SCHIP1: variants seen among roughly 807,000 people sequenced by gnomAD.
SCHIP1 encodes the protein schwannomin-interacting protein 1.
A neutral mutation model predicts 29.7 loss-of-function variants in SCHIP1; 8 were observed. The observed-to-expected ratio is 0.27, with a 90% confidence interval of 0.16 to 0.49. The LOEUF is 0.49. SCHIP1 is among the 20% of genes least tolerant of loss of function. SCHIP1 has a pLI of 0.99. For missense variants in SCHIP1, 193 were observed against 294.6 expected (o/e 0.66, Z 2.52); for synonymous variants, 76 against 94.9 (o/e 0.80, Z 1.16).
intron 2 of SCHIP1, among the ~76,000 whole-genome samples, chr3:159,871,600 G>A (rs961888810): frequency 1.3e-5 from 2 of 152,154 alleles, no homozygotes; most frequent in Admixed American, 6.5e-5. Flanking sequence ...TCATTGGGAT[G>A]CATCTAATTG....
the SCHIP1 span, among the ~76,000 whole-genome samples, chr3:159,538,248 T>TA: frequency 3.3e-5 from 5 of 151,856 alleles, no homozygotes; most frequent in African/African-American, 4.8e-5. Context: ...ACTCAAGTAG[T>TA]AAAAAAACAA....
the SCHIP1 span, among the ~76,000 whole-genome samples, chr3:159,581,674 T>G: frequency 2.6e-5 from 4 of 152,134 alleles, no homozygotes; most frequent in Non-Finnish European, 4.4e-5. Context: ...GGAAAGGAAC[T>G]CAAATATCTA....
chr3:159,557,243 A>G, the SCHIP1 span, among the ~76,000 whole-genome samples: 1 of 152,192 alleles, frequency 6.6e-6, no homozygotes. Flanking sequence ...AATTGTACTT[A>G]TGTAATCACT....
the SCHIP1 span, among the ~76,000 whole-genome samples, chr3:159,827,839 G>A: frequency 2.0e-5 from 3 of 151,006 alleles, no homozygotes; most frequent in Non-Finnish European, 2.9e-5. Flanking sequence ...AAATAGAAAC[G>A]CTGGAAATAT....
chr3:159,711,277 C>T, the SCHIP1 span, among the ~76,000 whole-genome samples: 1 of 71,492 alleles, frequency 1.4e-5, no homozygotes, highest in Non-Finnish European at 2.2e-5. Context: ...AGGAGAATGG[C>T]GTGAACCCGG....
the SCHIP1 span, among the ~76,000 whole-genome samples, chr3:159,704,236 G>T: frequency 1.3e-5 from 2 of 151,814 alleles, no homozygotes; most frequent in Non-Finnish European, 2.9e-5. Context: ...GGAGTTCAAG[G>T]TCAGCCTGGG....
intron 1 of SCHIP1, among the ~76,000 whole-genome samples, chr3:159,852,334 C>G (rs1166669946): frequency 6.6e-6 from 1 of 152,176 alleles, no homozygotes; most frequent in Non-Finnish European, 1.5e-5. Context: ...CCTTTGAATT[C>G]TTTTCTGACC....
At chr3:159,727,562 A>AT in the SCHIP1 span, among the ~76,000 whole-genome samples, 7,182 of 152,198 alleles carry the variant, frequency 0.047, 595 homozygotes, top group African/African-American at 0.17. Flanking sequence ...TATTTATTCA[A>AT]TTTTTTTAAA....
At chr3:159,274,244 A>G in the SCHIP1 span, 1 of 985,192 alleles carries the variant, frequency 1.0e-6, no homozygotes, top group South Asian at 4.7e-5. Flanking sequence ...TATGCACAAG[A>G]CTCTCTTTGG....
the SCHIP1 span, among the ~76,000 whole-genome samples, chr3:159,828,431 G>GTATATATACGTA: frequency 3.4e-3 from 179 of 53,326 alleles, 7 homozygotes; most frequent in Middle Eastern, 0.02. Context: ...ATATATATAC[G>GTATATATACGTA]TATATATACG....
At chr3:159,662,965 G>A in the SCHIP1 span, among the ~76,000 whole-genome samples, 2 of 152,188 alleles carry the variant, frequency 1.3e-5, no homozygotes, top group Non-Finnish European at 2.9e-5. Context: ...GCAACAGTGG[G>A]TATCCTTTCT....
At chr3:159,664,382 A>AT in the SCHIP1 span, among the ~76,000 whole-genome samples, 723 of 152,166 alleles carry the variant, frequency 4.8e-3, 8 homozygotes, top group African/African-American at 0.016. Context: ...AAGATTACGG[A>AT]TTTTTTTAAA....
the SCHIP1 span, among the ~76,000 whole-genome samples, chr3:159,823,856 TCCC>T: frequency 1.3e-5 from 2 of 152,160 alleles, no homozygotes; most frequent in African/African-American, 4.8e-5. Context: ...TAACAATGGT[TCCC>T]CATTTTCATT....
At chr3:159,504,631 G>T in the SCHIP1 span, among the ~76,000 whole-genome samples, 1 of 152,062 alleles carries the variant, frequency 6.6e-6, no homozygotes, top group Admixed American at 6.5e-5. Context: ...TAGACTCTAA[G>T]CTCCTTTCCT....
At chr3:159,694,576 G>GAAAGAA in the SCHIP1 span, among the ~76,000 whole-genome samples, 1 of 149,250 alleles carries the variant, frequency 6.7e-6, no homozygotes, top group Non-Finnish European at 1.5e-5. Context: ...AAGAAAGAAA[G>GAAAGAA]AAAGAAAGAA....
the SCHIP1 span, among the ~76,000 whole-genome samples, chr3:159,445,723 G>C: frequency 3.3e-5 from 5 of 152,100 alleles, no homozygotes; most frequent in Non-Finnish European, 7.3e-5. Context: ...TCATGTCTTT[G>C]TAGGGACATG....
At chr3:159,688,658 A>G in the SCHIP1 span, among the ~76,000 whole-genome samples, 3 of 152,270 alleles carry the variant, frequency 2.0e-5, no homozygotes, top group South Asian at 6.2e-4. Context: ...TGTTTTAGTC[A>G]TGAAGTCTTT....
At chr3:159,711,360 CAAAAAAAAAAAAAAAAAAA>C in the SCHIP1 span, among the ~76,000 whole-genome samples, 7 of 6,750 alleles carry the variant, frequency 1.0e-3, no homozygotes, top group Non-Finnish European at 1.4e-3. Context: ...GACTCCGTCT[CAAAAAAAAAAAAAAAAAAA>C]AAAAAAAAAA....
the SCHIP1 span, among the ~76,000 whole-genome samples, chr3:159,730,911 A>G: frequency 6.6e-6 from 1 of 152,338 alleles, no homozygotes; most frequent in South Asian, 2.1e-4. Context: ...ATTAAATCCA[A>G]CAAAGATTTC....
Sources: gnomAD v4.1 joint callset for allele counts (sites outside exome capture counted in the v4.1 genomes callset) on GRCh38, gnomAD v4.1.1 for gene constraint, MANE v1.5 for transcripts, NCBI Gene and HGNC (gene_info 2026-07-23, HGNC 2026-07-21) for gene names.